Variants in ARIH1 observed in about 807,000 individuals in gnomAD.
ARIH1 encodes the protein ariadne RBR E3 ubiquitin protein ligase 1.
Under a neutral mutation model 85.0 loss-of-function variants are expected in ARIH1, and 8 were observed. That is an observed-to-expected ratio of 0.09 (90% confidence interval 0.06 to 0.17). ARIH1 has a LOEUF of 0.17. ARIH1 is among the 10% of genes least tolerant of loss of function. ARIH1 has a pLI of 1.00. For missense variants in ARIH1, 311 were observed against 718.1 expected, an observed-to-expected ratio of 0.43 and a Z score of 6.48; for synonymous variants, 238 against 253.6, an observed-to-expected ratio of 0.94 and a Z score of 0.59.
intron 5 of ARIH1, among the ~76,000 whole-genome samples, chr15:72,556,467 A>G (rs558012901): frequency 6.6e-6 from 1 of 152,200 alleles, no homozygotes; most frequent in African/African-American, 2.4e-5. Context: ...GGCTGGGACT[A>G]CCCAGGGAGT....
chr15:72,587,529 G>A lies in ARIH1; in HGVS notation c.*4237G>A. The A allele has an allele frequency of 8.1e-6, 2 of 247,374 alleles. No homozygotes were observed. The highest frequency in any genetic ancestry group is 1.6e-5 in the Non-Finnish European group (2 of 125,812). 15.3% of individuals were successfully genotyped at this position (247,374 alleles called of 1,614,324 possible). A position where few individuals can be genotyped will look rare whatever the true frequency, so the allele number is the denominator to read the frequency against. On this transcript the variant is annotated 3_prime_UTR_variant, in exon 14 of 14. Coordinates refer to ENST00000379887, the MANE Select transcript of ARIH1 (RefSeq NM_005744.5). The stretch of plus-strand genomic sequence containing the variant: ...TTTCCATTGTAAAGAATTTTGGATA[G>A]TCTGCAGGAAATTGTTACAGGATGC...
At chr15:72,561,573 G>A (rs771102972) in intron 6 of ARIH1, 24 bp downstream of exon 6, 3 of 1,333,684 alleles carry the variant, frequency 2.2e-6, no homozygotes, top group Admixed American at 4.1e-5. Context: ...TTTCCTTCTT[G>A]TAAGAAGGAA....
intron 1 of ARIH1, among the ~76,000 whole-genome samples, chr15:72,497,122 A>G (rs2063883307): frequency 6.6e-6 from 1 of 152,256 alleles, no homozygotes; most frequent in Admixed American, 6.5e-5. Flanking sequence ...GATGCCGAAT[A>G]ATAGAAGAGA....
intron 2 of ARIH1, among the ~76,000 whole-genome samples, chr15:72,535,260 G>T (rs1012110497): frequency 6.6e-6 from 1 of 152,088 alleles, no homozygotes; most frequent in South Asian, 2.1e-4. Flanking sequence ...CTTATTGTCT[G>T]TATTCTTACC....
intron 10 of ARIH1, among the ~76,000 whole-genome samples, 185 bp downstream of exon 10, chr15:72,570,492 G>A (rs1595872743): frequency 6.6e-6 from 1 of 152,296 alleles, no homozygotes; most frequent in East Asian, 1.9e-4. Flanking sequence ...CATAAAGGAG[G>A]TAACAATTTA....
At position 72,587,272 on chromosome 15, in the gene ARIH1, GACCTAGTATTCTGT is replaced by G; in HGVS notation, c.*3984_*3997del. 3 of 527,656 alleles carry G rather than the reference GACCTAGTATTCTGT, an allele frequency of 5.7e-6. No homozygotes were observed. Among genetic ancestry groups the G allele is most frequent in the Non-Finnish European group, 1.2e-5 (3 of 256,998 alleles). 32.7% of individuals were successfully genotyped at this position (527,656 alleles called of 1,614,324 possible). A position where few individuals can be genotyped will look rare whatever the true frequency, so the allele number is the denominator to read the frequency against. On this transcript the variant is annotated 3_prime_UTR_variant, in exon 14 of 14. Coordinates refer to ENST00000379887, the MANE Select transcript of ARIH1 (RefSeq NM_005744.5). Reference sequence around the variant, plus strand: ...TATTTTGTTATTCTGGTCACAGAATGACCTAGTATTCTGTACCAGGGAAGGTAGTTCTTAACTAT... The same window carrying G: ...TATTTTGTTATTCTGGTCACAGAATGACCAGGGAAGGTAGTTCTTAACTAT...
rs549050374 is a variant in ARIH1, at chr15:72,596,863, C to T, written c.*13571C>T. The T allele has an allele frequency of 6.6e-5, 10 of 151,798 alleles. No homozygotes were observed. The highest frequency in any genetic ancestry group is 2.4e-4 in the African/African-American group (10 of 41,416). 9.4% of individuals were successfully genotyped at this position (151,798 alleles called of 1,614,324 possible). ...AGTTACAATTTTCTGCTGAAATTTC[C>T]TATTTCTTCATGCATGTTTTCCACA... On this transcript the variant is annotated 3_prime_UTR_variant, in exon 14 of 14. Transcript: ENST00000379887.
At chr15:72,500,388 A>T (rs568865976) in intron 1 of ARIH1, among the ~76,000 whole-genome samples, 9 of 151,968 alleles carry the variant, frequency 5.9e-5, no homozygotes, top group African/African-American at 1.2e-4. Context: ...CCACTTTATG[A>T]CTTTATTTAT....
At chr15:72,571,251 G>A (rs146429648) in intron 10 of ARIH1, among the ~76,000 whole-genome samples, 154 of 151,258 alleles carry the variant, frequency 1.0e-3, no homozygotes, top group African/African-American at 3.7e-3. Context: ...CTGAAACTCT[G>A]TAGTTATGTG....
Position 72,570,319 on chromosome 15 carries a change from A to G in ARIH1, c.1157+12A>G, listed in dbSNP as rs888655852. The G allele has an allele frequency of 6.2e-7, 1 of 1,613,572 alleles. No individual in the cohort carries two copies. The highest frequency in any genetic ancestry group is 1.3e-5 in the African/African-American group (1 of 74,912). On this transcript the variant is annotated intron_variant, in intron 10 of 13. Coordinates refer to ENST00000379887, the MANE Select transcript of ARIH1 (RefSeq NM_005744.5). The stretch of plus-strand genomic sequence containing the variant: ...CATGGATCTGCCTGGTAGGTTGGGG[A>G]AATTAAGGGAAGAATGTGTTTACAT...
intron 3 of ARIH1, among the ~76,000 whole-genome samples, chr15:72,546,582 A>G (rs958620550): frequency 6.6e-6 from 1 of 151,800 alleles, no homozygotes; most frequent in Non-Finnish European, 1.5e-5. Context: ...TCCTGGGCTC[A>G]AGCGATCCTC....
At chr15:72,488,114 C>T (rs1426132851) in intron 1 of ARIH1, among the ~76,000 whole-genome samples, 1 of 152,218 alleles carries the variant, frequency 6.6e-6, no homozygotes, top group Non-Finnish European at 1.5e-5. Flanking sequence ...CGGCTCACTA[C>T]AGCCTTGAAC....
intron 1 of ARIH1, among the ~76,000 whole-genome samples, chr15:72,478,558 C>G (rs1017612391): frequency 6.6e-6 from 1 of 152,170 alleles, no homozygotes; most frequent in African/African-American, 2.4e-5. Flanking sequence ...ATTGTGCTTT[C>G]TAAGTATGCC....
Position 72,583,474 on chromosome 15 carries a change from A to C in ARIH1, c.*182A>C. ...TTATATTGTAATAAAAAGGTAGATA[A>C]ACCATTGTACAACAGTATTCTAGGC... On this transcript the variant is annotated 3_prime_UTR_variant, in exon 14 of 14. Transcript: ENST00000379887. 1.9e-6 allele frequency: 1 copy of C among 523,008 alleles called. No homozygotes were observed. The highest frequency in any genetic ancestry group is 3.4e-6 in the Non-Finnish European group (1 of 295,694). 32.4% of individuals were successfully genotyped at this position (523,008 alleles called of 1,614,324 possible).
chr15:72,475,957 A>C lies in ARIH1; in HGVS notation c.375+943A>C, dbSNP rs527393016. On this transcript the variant is annotated intron_variant, in intron 1 of 13. Coordinates refer to ENST00000379887, the MANE Select transcript of ARIH1 (RefSeq NM_005744.5). ...AAGTTTTCATTTGGGGAAAAAAAAA[A>C]CCTCAGTTCTCCTGAGGAGTCAGGG... 2.2e-4 allele frequency among the ~76,000 whole-genome samples: 34 copies of C among 152,240 alleles called. No homozygotes were observed. In the South Asian group the frequency reaches 3.5e-3, roughly 16 times the overall value.
rs2063870635 is a variant in ARIH1 at position 72,494,177 on chromosome 15, G to A, written c.375+19163G>A. On this transcript the variant is annotated intron_variant, in intron 1 of 13. Transcript: ENST00000379887. ...GGAACCATTTGTAAATTGAGTACTT[G>A]ATTTATTTTTATCAGCTGAGATTTC... Among the ~76,000 whole-genome samples the A allele has an allele frequency of 3.3e-5, 5 of 152,238 alleles. No homozygotes were observed. The South Asian group carries it at 1.0e-3, about 31-fold the overall frequency.
At chr15:72,502,040 C>G (rs2063906083) in intron 1 of ARIH1, among the ~76,000 whole-genome samples, 1 of 152,080 alleles carries the variant, frequency 6.6e-6, no homozygotes, top group Non-Finnish European at 1.5e-5. Flanking sequence ...AAGTCATAGA[C>G]TGCTATTTTA....
chr15:72,508,695 C>CTTT (rs767444028), intron 1 of ARIH1, among the ~76,000 whole-genome samples: 2 of 140,798 alleles, frequency 1.4e-5, no homozygotes, highest in African/African-American at 2.6e-5. Flanking sequence ...TTCTTTCTTT[C>CTTT]TTTTTTTTTT....
intron 6 of ARIH1, 35 bp downstream of exon 6, chr15:72,561,584 TTC>T (rs768269423): frequency 8.3e-7 from 1 of 1,202,934 alleles, no homozygotes; most frequent in South Asian, 1.4e-5. Flanking sequence ...TAAGAAGGAA[TTC>T]TGTTTATTAA....
Sources: gnomAD v4.1 joint callset for allele counts (sites outside exome capture counted in the v4.1 genomes callset) on GRCh38, gnomAD v4.1.1 for gene constraint, MANE v1.5 for transcripts, NCBI Gene and HGNC (gene_info 2026-07-23, HGNC 2026-07-21) for gene names.